The following SPTLC1 variants were observed in gnomAD, a reference collection of about 807,000 sequenced individuals.
SPTLC1 encodes serine palmitoyltransferase long chain base subunit 1.
In SPTLC1, 55 loss-of-function variants were observed where a neutral mutation model predicts 68.9. The ratio of observed to expected loss-of-function variants is 0.80; its 90% confidence interval spans 0.64 to 1.00. The LOEUF (loss-of-function observed/expected upper bound fraction) is 1.00. Among genes scored for constraint, SPTLC1 ranks in the 50% least tolerant of loss-of-function variants. The pLI is 0.00. For missense variants in SPTLC1, 449 were observed against 573.1 expected (o/e 0.78, Z 2.21); for synonymous variants, 197 against 201.6 (o/e 0.98, Z 0.19).
At chr9:92,045,321 T>G (rs1198810217) in intron 12 of SPTLC1, among the ~76,000 whole-genome samples, 2 of 150,388 alleles carry the variant, frequency 1.3e-5, no homozygotes, top group African/African-American at 4.9e-5. Context: ...AGACCAGAAA[T>G]GTGCCTGGAG....
At chr9:92,049,266 T>C (rs1398081916) in intron 9 of SPTLC1, among the ~76,000 whole-genome samples, 1 of 152,220 alleles carries the variant, frequency 6.6e-6, no homozygotes, top group African/African-American at 2.4e-5. Context: ...CTTATGCGCA[T>C]GTTTTGGAGA....
In SPTLC1 at chr9:92,046,494, C is replaced by T. The variant is rs1587913769; in HGVS notation, c.1082-441G>A. On this transcript the variant is annotated intron_variant, in intron 11 of 14. Coordinates refer to ENST00000262554, the MANE Select transcript of SPTLC1 (RefSeq NM_006415.4). ...CTAAAGTATCTGATCAGAAGGTAGG[C>T]GTGCCAGGCCATCTGAGAAGCAAGC... is the stretch of plus-strand genomic sequence containing the variant. Among the ~76,000 whole-genome samples, 6 of 152,082 alleles carry T rather than the reference C, an allele frequency of 3.9e-5. No individual in the cohort carries two copies. The South Asian group carries it at 8.3e-4, about 21-fold the overall frequency.
chr9:92,046,796 G>A lies in SPTLC1; in HGVS notation c.1081+376C>T, dbSNP rs139691280. Among the ~76,000 whole-genome samples the A allele has an allele frequency of 1.8e-3, 273 of 152,298 alleles. 1 individual carries two copies. The highest frequency in any genetic ancestry group is 6.3e-3 in the African/African-American group (260 of 41,562). Reference sequence around the variant, plus strand: ...GAAAACTCACAATATTTATAAAATTGCACAGATAAAAAAGCAGCATGCTTC... The same window carrying A: ...GAAAACTCACAATATTTATAAAATTACACAGATAAAAAAGCAGCATGCTTC... On this transcript the variant is annotated intron_variant, in intron 11 of 14. Transcript: ENST00000262554.
chr9:92,061,012 T>C (rs1834081621), intron 6 of SPTLC1, among the ~76,000 whole-genome samples: 2 of 151,716 alleles, frequency 1.3e-5, no homozygotes, highest in Admixed American at 1.3e-4. Flanking sequence ...ACCCATGGGA[T>C]TATAATAAAA....
At position 92,063,641 on chromosome 9, in the gene SPTLC1, A is replaced by G. The variant is rs530891251; in HGVS notation, c.560+4325T>C. On this transcript the variant is annotated intron_variant, in intron 6 of 14. Coordinates refer to ENST00000262554, the MANE Select transcript of SPTLC1 (RefSeq NM_006415.4). The stretch of plus-strand genomic sequence containing the variant: ...GCAAATCGAATTTAGCTTTTTATAA[A>G]AAAAAAATTATACCCCATAACCAAG... Among the ~76,000 whole-genome samples, 29 of 152,242 alleles carry G rather than the reference A, an allele frequency of 1.9e-4. 1 individual carries two copies. Among genetic ancestry groups the G allele is most frequent in the Admixed American group, 1.0e-3 (16 of 15,286 alleles).
At position 92,097,566 on chromosome 9, in the gene SPTLC1, C is replaced by T. The variant is rs75578766; in HGVS notation, c.260+11174G>A. 1.5e-4 allele frequency among the ~76,000 whole-genome samples: 23 copies of T among 152,214 alleles called. No homozygotes were observed. In the East Asian group the frequency reaches 4.4e-3, roughly 29 times the overall value. Reference sequence around the variant, plus strand: ...AAAACATTATGTTAAGTGAAAGAACCCAGAAACAAAGGCTAAGTATTGTTT... The same window carrying T: ...AAAACATTATGTTAAGTGAAAGAACTCAGAAACAAAGGCTAAGTATTGTTT... On this transcript the variant is annotated intron_variant, in intron 3 of 14. Transcript: ENST00000262554.
rs1377432383 is a variant in SPTLC1 at position 92,049,911 on chromosome 9, T to A, written c.888+49A>T. ...AAATATAGGCCTAGCAGAATGGAAC[T>A]ACATGTCTCCTATAAGAGGGGAAAC... On this transcript the variant is annotated intron_variant, in intron 9 of 14. Coordinates refer to ENST00000262554, the MANE Select transcript of SPTLC1 (RefSeq NM_006415.4). The A allele has an allele frequency of 3.4e-6, 4 of 1,188,328 alleles. No individual in the cohort carries two copies. The South Asian group carries it at 3.6e-5, about 11-fold the overall frequency. The allele number at this position is 1,188,328 out of a possible 1,614,324, so 73.6% of individuals were successfully genotyped here.
chr9:92,098,382 C>G (rs760379767), intron 3 of SPTLC1, among the ~76,000 whole-genome samples: 1 of 152,154 alleles, frequency 6.6e-6, no homozygotes, highest in African/African-American at 2.4e-5. Context: ...TGGCCCTCCC[C>G]CTGCGGACCA....
chr9:92,105,235 G>A, intron 3 of SPTLC1: 7 of 1,531,708 alleles, frequency 4.6e-6, no homozygotes, highest in Non-Finnish European at 6.1e-6. Flanking sequence ...TGAGGTGGGA[G>A]AGAGATGAGG....
At chr9:92,048,629 C>T (rs1377365011) in intron 9 of SPTLC1, among the ~76,000 whole-genome samples, 7 of 152,240 alleles carry the variant, frequency 4.6e-5, no homozygotes. Flanking sequence ...GTAGTGAGTC[C>T]CAGACTTCAT....
At chr9:92,046,684 G>A (rs1417795056) in intron 11 of SPTLC1, among the ~76,000 whole-genome samples, 1 of 152,126 alleles carries the variant, frequency 6.6e-6, no homozygotes, top group African/African-American at 2.4e-5. Context: ...ATTCTTAGTA[G>A]ACTTTTTATT....
At chr9:92,033,941 C>T (rs1444594747) in intron 14 of SPTLC1, among the ~76,000 whole-genome samples, 1 of 152,178 alleles carries the variant, frequency 6.6e-6, no homozygotes, top group Non-Finnish European at 1.5e-5. Flanking sequence ...ATTCAAACTC[C>T]CCAGTGGGCT....
chr9:92,034,599 G>T (rs1323977392), intron 14 of SPTLC1, among the ~76,000 whole-genome samples: 1 of 152,210 alleles, frequency 6.6e-6, no homozygotes, highest in Non-Finnish European at 1.5e-5. Context: ...TGAGTTAACT[G>T]AGAGGGTACT....
chr9:92,097,427 C>A (rs895371226), intron 3 of SPTLC1, among the ~76,000 whole-genome samples: 7 of 151,952 alleles, frequency 4.6e-5, no homozygotes, highest in African/African-American at 1.7e-4. Context: ...GGGAAAAAAC[C>A]CAATTGTGCA....
Position 92,068,005 on chromosome 9 carries a change from G to C in SPTLC1, c.521C>G (p.Ala174Gly). 1 of 1,614,060 alleles carries C rather than the reference G, an allele frequency of 6.2e-7. No homozygotes were observed. The highest frequency in any genetic ancestry group is 8.5e-7 in the Non-Finnish European group (1 of 1,179,994). ...YSYGFATIAS[A>G]IPAYSKRGDI... ...CCCTCTTTTAGAGTAAGCAGGAATA[G>C]CACTGGCTATGGTGGCAAATCCATA... Residue 174 changes from alanine to glycine, a missense_variant, in exon 6 of 15, where the codon GCT becomes GGT. This residue lies in a region of SPTLC1 where 391 missense variants were observed against 472.1 expected (regional missense o/e 0.83). Transcript: ENST00000262554.
chr9:92,034,117 G>C (rs1368585990), intron 14 of SPTLC1, among the ~76,000 whole-genome samples: 2 of 152,194 alleles, frequency 1.3e-5, no homozygotes, highest in African/African-American at 4.8e-5. Context: ...GATGCCCACA[G>C]GATGCCCGAC....
chr9:92,107,081 A>T (rs1262321888), intron 3 of SPTLC1, among the ~76,000 whole-genome samples: 2 of 152,172 alleles, frequency 1.3e-5, no homozygotes, highest in Non-Finnish European at 2.9e-5. Flanking sequence ...ACCCAAATGC[A>T]TTTTTTTGGT....
intron 2 of SPTLC1, chr9:92,109,870 G>A (rs1836160346): frequency 6.6e-6 from 1 of 152,424 alleles, no homozygotes; most frequent in African/African-American, 2.4e-5. Context: ...TACTCGGGAA[G>A]GCTGAGGCAG....
chr9:92,045,704 AC>A (rs1165250058), intron 12 of SPTLC1, among the ~76,000 whole-genome samples: 1 of 152,088 alleles, frequency 6.6e-6, no homozygotes, highest in East Asian at 1.9e-4. Flanking sequence ...TTCAGTGTTT[AC>A]CCTGGTTATT....
Sources: allele counts gnomAD v4.1 joint callset (sites outside exome capture counted in the v4.1 genomes callset), GRCh38; gene constraint gnomAD v4.1.1; regional missense constraint gnomAD v4.1.1; transcripts MANE v1.5; gene names NCBI Gene and HGNC (gene_info 2026-07-23, HGNC 2026-07-21).